The following FSHR variants were observed in gnomAD, a reference collection of about 807,000 sequenced individuals.
FSHR encodes the protein follicle stimulating hormone receptor, also known as follicle-stimulating hormone receptor.
In FSHR, 46 loss-of-function variants were observed where a neutral mutation model predicts 52.1. That is an observed-to-expected ratio of 0.88 (90% CI 0.70 to 1.13). The LOEUF (loss-of-function observed/expected upper bound fraction) is 1.13. Ranked by LOEUF, FSHR falls within the 50% of genes most tolerant of loss-of-function variation. FSHR has a pLI of 0.00. For synonymous variants in FSHR, 399 were observed against 309.6 expected (o/e 1.29, Z -3.03); for missense variants, 964 against 834.6 (o/e 1.16, Z -1.91).
intron 8 of FSHR, among the ~76,000 whole-genome samples, chr2:48,970,101 G>A (rs1366678693): frequency 6.6e-6 from 1 of 152,148 alleles, no homozygotes; most frequent in Non-Finnish European, 1.5e-5. Context: ...AAACTTGGGG[G>A]TGTGAATATA....
chr2:49,146,698 T>C (rs971920440), intron 1 of FSHR, among the ~76,000 whole-genome samples: 6 of 152,062 alleles, frequency 3.9e-5, no homozygotes, highest in African/African-American at 7.2e-5. Context: ...TGAAGATGCT[T>C]GTAAAATCAA....
chr2:49,132,421 T>C (rs545770172), intron 1 of FSHR, among the ~76,000 whole-genome samples: 1 of 152,302 alleles, frequency 6.6e-6, no homozygotes, highest in African/African-American at 2.4e-5. Context: ...AAAGCATCTT[T>C]TCAGTTGTAA....
chr2:49,123,861 T>C (rs1355467183), intron 1 of FSHR, among the ~76,000 whole-genome samples: 3 of 152,174 alleles, frequency 2.0e-5, no homozygotes, highest in African/African-American at 4.8e-5. Context: ...TCTTTGCGTC[T>C]TCACTAGACA....
chr2:49,119,380 G>GT (rs551581462), intron 1 of FSHR, among the ~76,000 whole-genome samples: 2,212 of 145,830 alleles, frequency 0.015, 45 homozygotes, highest in African/African-American at 0.051. Context: ...GATCATCTTT[G>GT]TTTTTTTTTT....
At position 49,134,429 on chromosome 2, in the gene FSHR, G is replaced by C. The variant is rs554124781; in HGVS notation, c.152+19837C>G. 1.0e-3 allele frequency among the ~76,000 whole-genome samples: 158 copies of C among 152,312 alleles called. 1 individual carries two copies. The highest frequency in any genetic ancestry group is 3.7e-3 in the African/African-American group (154 of 41,566). ...GTCAGGAAACAACAGGTGCTGGAGA[G>C]GATGTGGAGAAATAGGAATGCTTTT... On this transcript the variant is annotated intron_variant, in intron 1 of 9. Coordinates refer to ENST00000406846, the MANE Select transcript of FSHR (RefSeq NM_000145.4).
At chr2:48,982,167 G>A (rs974673594) in intron 8 of FSHR, among the ~76,000 whole-genome samples, 1 of 152,174 alleles carries the variant, frequency 6.6e-6, no homozygotes, top group African/African-American at 2.4e-5. Flanking sequence ...AGAGCCACGG[G>A]AAGAAGTCAC....
chr2:49,088,344 G>T (rs76292855), intron 1 of FSHR, among the ~76,000 whole-genome samples: 1 of 152,196 alleles, frequency 6.6e-6, no homozygotes, highest in African/African-American at 2.4e-5. Context: ...GTCATGCGAG[G>T]TTGTGCTGGG....
At chr2:49,120,956 G>C (rs966832575) in intron 1 of FSHR, among the ~76,000 whole-genome samples, 1 of 152,124 alleles carries the variant, frequency 6.6e-6, no homozygotes, top group Admixed American at 6.6e-5. Flanking sequence ...AGTGATTTGG[G>C]GTTTTTCTTC....
intron 2 of FSHR, among the ~76,000 whole-genome samples, chr2:49,063,249 G>C (rs1046046370): frequency 1.3e-5 from 2 of 152,042 alleles, no homozygotes; most frequent in African/African-American, 2.4e-5. Context: ...AATTAAACCA[G>C]CTTAATATGA....
chr2:49,015,723 C>T (rs1414788753), intron 4 of FSHR, among the ~76,000 whole-genome samples: 2 of 152,290 alleles, frequency 1.3e-5, no homozygotes, highest in East Asian at 3.9e-4. Flanking sequence ...ATCAAGACTC[C>T]TAAGCCTGAA....
intron 1 of FSHR, among the ~76,000 whole-genome samples, chr2:49,134,129 G>A (rs1412948823): frequency 6.6e-6 from 1 of 152,074 alleles, no homozygotes; most frequent in Non-Finnish European, 1.5e-5. Context: ...GAGTGAACAG[G>A]CAACCTACAG....
At chr2:49,125,603 A>G (rs1467780628) in intron 1 of FSHR, among the ~76,000 whole-genome samples, 1 of 152,222 alleles carries the variant, frequency 6.6e-6, no homozygotes, top group African/African-American at 2.4e-5. Flanking sequence ...TAGGCAATCA[A>G]TAAGTATTTG....
At chr2:48,994,096 TA>T (rs1480490259) in intron 4 of FSHR, among the ~76,000 whole-genome samples, 2 of 152,172 alleles carry the variant, frequency 1.3e-5, no homozygotes, top group Non-Finnish European at 2.9e-5. Flanking sequence ...AGTTGACGCA[TA>T]AAATGTGCTC....
intron 4 of FSHR, among the ~76,000 whole-genome samples, chr2:48,991,545 G>A (rs1675780578): frequency 6.6e-6 from 1 of 152,088 alleles, no homozygotes; most frequent in Non-Finnish European, 1.5e-5. Flanking sequence ...GCACATTTGT[G>A]AGCACCCAGT....
intron 2 of FSHR, among the ~76,000 whole-genome samples, chr2:49,033,019 T>C (rs1321067596): frequency 6.6e-6 from 1 of 152,260 alleles, no homozygotes; most frequent in Non-Finnish European, 1.5e-5. Flanking sequence ...TTTCACAATT[T>C]GCATATCTAA....
intron 1 of FSHR, among the ~76,000 whole-genome samples, chr2:49,136,370 G>A (rs1672489632): frequency 6.6e-6 from 1 of 152,086 alleles, no homozygotes; most frequent in African/African-American, 2.4e-5. Flanking sequence ...AGAATTAGAA[G>A]CCAAAAAACT....
chr2:49,118,448 A>G (rs1200138698), intron 1 of FSHR, among the ~76,000 whole-genome samples: 1 of 152,182 alleles, frequency 6.6e-6, no homozygotes, highest in African/African-American at 2.4e-5. Flanking sequence ...TGGCTTTCAC[A>G]TGGCAGCAGT....
At chr2:48,995,334 G>T (rs978984699) in intron 4 of FSHR, among the ~76,000 whole-genome samples, 1 of 152,108 alleles carries the variant, frequency 6.6e-6, no homozygotes, top group African/African-American at 2.4e-5. Context: ...GTTCAGGGAA[G>T]GGGCTGGAGG....
chr2:49,000,201 G>A (rs925545075), intron 4 of FSHR, among the ~76,000 whole-genome samples: 1 of 152,100 alleles, frequency 6.6e-6, no homozygotes, highest in Non-Finnish European at 1.5e-5. Context: ...TAAAGCAAGG[G>A]ACTCTGTGTA....
Sources: gnomAD v4.1 joint callset for allele counts (sites outside exome capture counted in the v4.1 genomes callset) on GRCh38, gnomAD v4.1.1 for gene constraint, MANE v1.5 for transcripts, NCBI Gene and HGNC (gene_info 2026-07-23, HGNC 2026-07-21) for gene names.